Variants in ACTR3C observed in about 807,000 individuals in gnomAD.
ACTR3C encodes the protein actin related protein 3C.
Under a neutral mutation model 26.3 loss-of-function variants are expected in ACTR3C, and 18 were observed. The ratio of observed to expected loss-of-function variants is 0.68; its 90% CI spans 0.47 to 1.01. The LOEUF is 1.01. Among genes scored for constraint, ACTR3C ranks in the 50% least tolerant of loss-of-function variants. The pLI is 0.00. For missense variants in ACTR3C, 184 were observed against 250.7 expected (o/e 0.73, Z 1.80); for synonymous variants, 55 against 94.5 (o/e 0.58, Z 2.42).
the ACTR3C span, among the ~76,000 whole-genome samples, chr7:150,135,537 T>C: frequency 6.6e-6 from 1 of 152,144 alleles, no homozygotes; most frequent in Non-Finnish European, 1.5e-5. Context: ...TAATATTATC[T>C]AGACTGCAAA....
chr7:149,927,102 G>A, the ACTR3C span, among the ~76,000 whole-genome samples: 2 of 151,110 alleles, frequency 1.3e-5, no homozygotes, highest in Admixed American at 6.6e-5. Flanking sequence ...CACTTTTACC[G>A]AACTGGTCTC....
chr7:150,077,309 C>CTG, the ACTR3C span, among the ~76,000 whole-genome samples: 32 of 151,754 alleles, frequency 2.1e-4, no homozygotes, highest in African/African-American at 4.4e-4. Flanking sequence ...AGAAGTGTGT[C>CTG]TGTGTGTGTG....
At chr7:150,037,802 GC>G in the ACTR3C span, among the ~76,000 whole-genome samples, 10 of 44,702 alleles carry the variant, frequency 2.2e-4, 1 homozygote, top group East Asian at 2.2e-3. Flanking sequence ...CCCAGAGCCA[GC>G]GGGGGAAGAG....
the ACTR3C span, among the ~76,000 whole-genome samples, chr7:150,208,704 G>T: frequency 3.3e-5 from 5 of 152,094 alleles, no homozygotes; most frequent in Non-Finnish European, 7.4e-5. Flanking sequence ...GTAGGTTTAG[G>T]AATATTCGAA....
At chr7:150,037,587 G>A in the ACTR3C span, among the ~76,000 whole-genome samples, 1 of 73,894 alleles carries the variant, frequency 1.4e-5, no homozygotes, top group South Asian at 4.1e-4. Context: ...GGGGGAAGAG[G>A]GACTGGCTCT....
At chr7:150,006,773 T>C in the ACTR3C span, among the ~76,000 whole-genome samples, 1 of 152,156 alleles carries the variant, frequency 6.6e-6, no homozygotes, top group African/African-American at 2.4e-5. Flanking sequence ...CAAAAAAATA[T>C]ACTTTTTGAT....
the ACTR3C span, among the ~76,000 whole-genome samples, chr7:150,155,691 A>G: frequency 7.0e-6 from 1 of 143,022 alleles, no homozygotes; most frequent in African/African-American, 2.6e-5. Context: ...GAGGGTGGAC[A>G]CAATGCCTTC....
chr7:150,070,750 C>G, the ACTR3C span, among the ~76,000 whole-genome samples: 1 of 144,992 alleles, frequency 6.9e-6, no homozygotes, highest in Non-Finnish European at 1.5e-5. Context: ...GGTGCCTGGC[C>G]TAAAATTGCT....
the ACTR3C span, among the ~76,000 whole-genome samples, chr7:149,947,298 A>G: frequency 8.0e-6 from 1 of 124,726 alleles, no homozygotes; most frequent in Non-Finnish European, 1.6e-5. Flanking sequence ...ACTTTTTTAT[A>G]ATCCTGCTAT....
the ACTR3C span, among the ~76,000 whole-genome samples, chr7:150,175,281 G>A: frequency 6.8e-6 from 1 of 146,862 alleles, no homozygotes; most frequent in Admixed American, 6.6e-5. Flanking sequence ...GAGCACGTGG[G>A]CAAACCCAGA....
the ACTR3C span, among the ~76,000 whole-genome samples, chr7:150,022,735 A>C: frequency 6.6e-6 from 1 of 152,130 alleles, no homozygotes; most frequent in Non-Finnish European, 1.5e-5. Flanking sequence ...TTTATATTGG[A>C]AAGTTGTTTA....
the ACTR3C span, among the ~76,000 whole-genome samples, chr7:150,034,674 C>G: frequency 6.6e-6 from 1 of 151,702 alleles, no homozygotes. Flanking sequence ...CGTAAGGTAC[C>G]TGCCGTCGGA....
the ACTR3C span, among the ~76,000 whole-genome samples, chr7:150,130,396 C>T: frequency 2.0e-5 from 3 of 152,098 alleles, no homozygotes; most frequent in African/African-American, 4.8e-5. Flanking sequence ...CAGCAAGCCA[C>T]GTATTGAAAT....
the ACTR3C span, among the ~76,000 whole-genome samples, chr7:150,034,020 G>C: frequency 8.6e-5 from 13 of 151,226 alleles, no homozygotes; most frequent in African/African-American, 2.9e-4. Context: ...TGCGATGGTG[G>C]TCCCAAGAGC....
the ACTR3C span, among the ~76,000 whole-genome samples, chr7:150,175,832 A>G: frequency 1.1e-3 from 163 of 145,980 alleles, no homozygotes; most frequent in South Asian, 3.6e-3. Context: ...AAAAAAAAAA[A>G]AAAGAAAGAA....
chr7:150,302,601 A>G (rs1795514591), intron 1 of ACTR3C, among the ~76,000 whole-genome samples: 1 of 152,016 alleles, frequency 6.6e-6, no homozygotes, highest in South Asian at 2.1e-4. Context: ...AAATGGGTAA[A>G]AAGATTAAAT....
At chr7:149,939,927 ATTATAAAGCTAACCTGT>A in the ACTR3C span, among the ~76,000 whole-genome samples, 7 of 141,218 alleles carry the variant, frequency 5.0e-5, no homozygotes, top group Non-Finnish European at 7.8e-5. Context: ...CTCTCCCAAA[ATTATAAAGCTAACCTGT>A]TCTTCCCCAC....
chr7:150,201,037 A>T, the ACTR3C span, among the ~76,000 whole-genome samples: 1 of 152,248 alleles, frequency 6.6e-6, no homozygotes, highest in African/African-American at 2.4e-5. Flanking sequence ...TTGATCATGA[A>T]CTAACTTTCT....
chr7:150,082,802 C>T, the ACTR3C span, among the ~76,000 whole-genome samples: 1 of 151,952 alleles, frequency 6.6e-6, no homozygotes, highest in Admixed American at 6.6e-5. Flanking sequence ...ATCTTATCTC[C>T]TCACTTATGA....
Sources: allele counts gnomAD v4.1 joint callset (sites outside exome capture counted in the v4.1 genomes callset), GRCh38; gene constraint gnomAD v4.1.1; transcripts MANE v1.5; gene names NCBI Gene and HGNC (gene_info 2026-07-23, HGNC 2026-07-21).